L1CAM: variants seen among roughly 807,000 people sequenced by gnomAD.
L1CAM encodes neural cell adhesion molecule L1.
Under a neutral mutation model 93.0 loss-of-function variants are expected in L1CAM, and 8 were observed. The observed-to-expected ratio is 0.09, with a 90% CI of 0.05 to 0.16. L1CAM has a LOEUF of 0.16. Among genes scored for constraint, L1CAM ranks in the 10% least tolerant of loss-of-function variants. L1CAM has a pLI of 1.00. For synonymous variants in L1CAM, 453 were observed against 453.0 expected (o/e 1.00, Z 0.00); for missense variants, 777 against 1,073.4 (o/e 0.72, Z 3.86).
Position 153,865,246 on chromosome X carries a change from C to T in L1CAM, c.2750-36G>A, listed in dbSNP as rs782511218. 20 of 1,206,449 alleles carry T rather than the reference C, an allele frequency of 1.7e-5. No homozygotes were observed. In the East Asian group the frequency reaches 2.7e-4, roughly 16 times the overall value. On this transcript the variant is annotated intron_variant, in intron 21 of 28. Coordinates refer to ENST00000370060, the MANE Select transcript of L1CAM (RefSeq NM_001278116.2). Reference sequence around the variant, plus strand: ...CAGAACCGAGTGGCAGGTAGGTCCTCGCCCAGGTCTGGGGAGGAGGGCAGG... The same window carrying T: ...CAGAACCGAGTGGCAGGTAGGTCCTTGCCCAGGTCTGGGGAGGAGGGCAGG...
rs1557092330 is a variant in L1CAM, at chrX:153,869,652, C to G, written c.1135G>C (p.Asp379His). 1.7e-6 allele frequency: 2 copies of G among 1,207,683 alleles called. No individual in the cohort carries two copies. Among genetic ancestry groups the G allele is most frequent in the South Asian group, 3.6e-5 (2 of 56,033 alleles). The part of the protein sequence containing the change: ...NGIPVEELAK[D>H]QKYRIQRGAL... Reference sequence around the variant, plus strand: ...CCACGCTGAATCCGGTACTTCTGGTCTTTGGCCAGCTCTGTGCATGCAGCA... The same window carrying G: ...CCACGCTGAATCCGGTACTTCTGGTGTTTGGCCAGCTCTGTGCATGCAGCA... Residue 379 changes from aspartate (D) to histidine (H), a missense_variant, in exon 11 of 29, where the codon GAC (aspartate) becomes CAC (histidine). Coordinates refer to ENST00000370060, the MANE Select transcript of L1CAM (RefSeq NM_001278116.2).
chrX:153,872,111 C>T (rs1399661286), intron 5 of L1CAM, 41 bp downstream of exon 5: 1 of 1,118,237 alleles, frequency 8.9e-7, no homozygotes, highest in Non-Finnish European at 1.2e-6. Context: ...CCCACACGAA[C>T]TCCGGGACCT....
At chrX:153,868,481 G>A (rs1378026553) in intron 13 of L1CAM, 23 bp from the exon 14 acceptor site, 16 of 1,212,046 alleles carry the variant, frequency 1.3e-5, no homozygotes, top group Non-Finnish European at 1.8e-5. Flanking sequence ...CGTGCGTGGG[G>A]AAGTCACTCT....
intron 1 of L1CAM, among the ~76,000 whole-genome samples, chrX:153,882,380 TC>T (rs2148505929): frequency 9.1e-6 from 1 of 109,432 alleles, no homozygotes; most frequent in African/African-American, 3.3e-5. Flanking sequence ...CCCCACCCCT[TC>T]CCAGCACAGG....
intron 1 of L1CAM, among the ~76,000 whole-genome samples, chrX:153,877,287 CAAAAAAAAAAA>C (rs34384910): frequency 1.6e-3 from 20 of 12,813 alleles, no homozygotes; most frequent in East Asian, 4.9e-3. Flanking sequence ...ACTAAAAATA[CAAAAAAAAAAA>C]AAAAAAAAAA....
chrX:153,883,323 G>C (rs782364320), intron 1 of L1CAM, among the ~76,000 whole-genome samples: 8 of 110,628 alleles, frequency 7.2e-5, no homozygotes, highest in Non-Finnish European at 1.5e-4. Flanking sequence ...GGGAGGAGAC[G>C]GGGAGTGGTG....
chrX:153,863,031 C>T, intron 28 of L1CAM, 137 bp from the exon 29 acceptor site: 2 of 509,161 alleles, frequency 3.9e-6, no homozygotes, highest in Non-Finnish European at 6.5e-6. Context: ...GCCACCCTGG[C>T]AGGCAGGTCT....
chrX:153,863,670 G>A, intron 26 of L1CAM, 121 bp from the exon 27 acceptor site: 1 of 841,902 alleles, frequency 1.2e-6, no homozygotes, highest in South Asian at 2.2e-5. Context: ...AAGAGGCCTT[G>A]AAAGAAACCG....
At position 153,867,348 on chromosome X, in the gene L1CAM, T is replaced by G; in HGVS notation, c.2137+8A>C. 1 of 1,204,610 alleles carries G rather than the reference T, an allele frequency of 8.3e-7. No individual in the cohort carries two copies. The highest frequency in any genetic ancestry group is 1.1e-6 in the Non-Finnish European group (1 of 890,238). ...GGTGGCATGGGAGTGGGTGCCACCC[T>G]GACTCACCTGCCTCAGGTGTGACCA... On this transcript the variant is annotated splice_region_variant and intron_variant, in intron 17 of 28. Coordinates refer to ENST00000370060, the MANE Select transcript of L1CAM (RefSeq NM_001278116.2).
chrX:153,862,938 C>CCCAGCCAGGCT, intron 28 of L1CAM, 44 bp from the exon 29 acceptor site: 1 of 1,067,015 alleles, frequency 9.4e-7, no homozygotes, highest in Non-Finnish European at 1.3e-6. Flanking sequence ...ACTGCCGAGC[C>CCCAGCCAGGCT]CCTGCAGGAG....
At chrX:153,865,536 A>AGGCACCCAGCAG (rs2064705477) in intron 20 of L1CAM, 36 bp from the exon 21 acceptor site, 2 of 1,165,667 alleles carry the variant, frequency 1.7e-6, no homozygotes, top group Non-Finnish European at 2.3e-6. Flanking sequence ...CAGGGGCAGA[A>AGGCACCCAGCAG]GGCACCCAGC....
At chrX:153,873,170 G>A in intron 3 of L1CAM, 58 bp downstream of exon 3, 14 of 1,140,046 alleles carry the variant, frequency 1.2e-5, no homozygotes, top group Non-Finnish European at 1.7e-5. Flanking sequence ...TCAGCTGAGG[G>A]CCTCCTTACC....
intron 20 of L1CAM, 32 bp downstream of exon 20, chrX:153,865,672 C>A: frequency 9.2e-7 from 1 of 1,090,193 alleles, no homozygotes; most frequent in Non-Finnish European, 1.3e-6. Context: ...TCAGTGATCA[C>A]CCTCCTGGGC....
At chrX:153,875,705 A>G in intron 2 of L1CAM, 56 bp downstream of exon 2, 1 of 1,039,263 alleles carries the variant, frequency 9.6e-7, no homozygotes, top group Non-Finnish European at 1.4e-6. Context: ...TAGAAGATAA[A>G]GAGGGGCCCA....
intron 10 of L1CAM, 61 bp downstream of exon 10, chrX:153,869,742 C>T: frequency 8.3e-7 from 1 of 1,205,000 alleles, no homozygotes; most frequent in South Asian, 1.8e-5. Flanking sequence ...CCTCCTCTTC[C>T]TCTCCCCCAC....
chrX:153,865,925 G>T, intron 19 of L1CAM, 106 bp from the exon 20 acceptor site: 1 of 562,708 alleles, frequency 1.8e-6, no homozygotes. Context: ...TATTTTATGA[G>T]GTACAGTTTG....
At chrX:153,870,585 G>A in intron 7 of L1CAM, 86 bp from the exon 8 acceptor site, 1 of 848,902 alleles carries the variant, frequency 1.2e-6, no homozygotes, top group East Asian at 3.3e-5. Flanking sequence ...ACTCCAGCCA[G>A]CCCCCGGGGC....
chrX:153,871,266 G>GGGGGGGGGGGGGGGGGGGGGGC, intron 5 of L1CAM, 87 bp from the exon 6 acceptor site: 1 of 490,630 alleles, frequency 2.0e-6, no homozygotes. Flanking sequence ...GGGGTGGCGG[G>GGGGGGGGGGGGGGGGGGGGGGC]CTACACCAGG....
At chrX:153,868,986 G>T in intron 11 of L1CAM, 34 bp from the exon 12 acceptor site, 1 of 1,100,334 alleles carries the variant, frequency 9.1e-7, no homozygotes, top group South Asian at 1.8e-5. Flanking sequence ...GACAGGGCAG[G>T]ACTTGGGACC....
Sources: allele counts gnomAD v4.1 joint callset (sites outside exome capture counted in the v4.1 genomes callset), GRCh38; gene constraint gnomAD v4.1.1; transcripts MANE v1.5; gene names NCBI Gene and HGNC (gene_info 2026-07-23, HGNC 2026-07-21).